STXBP5: variants seen among roughly 807,000 people sequenced by gnomAD.
STXBP5 encodes the protein syntaxin binding protein 5.
Under a neutral mutation model 152.4 loss-of-function variants are expected in STXBP5, and 50 were observed. The ratio of observed to expected loss-of-function variants is 0.33; its 90% CI spans 0.26 to 0.42. The LOEUF (loss-of-function observed/expected upper bound fraction) is 0.42. STXBP5 is among the 10% of genes least tolerant of loss of function. The pLI is 1.00. For synonymous variants in STXBP5, 492 were observed against 494.7 expected (o/e 0.99, Z 0.07); for missense variants, 1,167 against 1,388.6 (o/e 0.84, Z 2.54).
intron 22 of STXBP5, among the ~76,000 whole-genome samples, chr6:147,353,655 T>C (rs996599857): frequency 6.6e-6 from 1 of 152,160 alleles, no homozygotes; most frequent in African/African-American, 2.4e-5. Flanking sequence ...TGTGCAATTT[T>C]AGATTAATTT....
chr6:147,253,088 A>G (rs1370219812), intron 4 of STXBP5, among the ~76,000 whole-genome samples: 2 of 152,250 alleles, frequency 1.3e-5, no homozygotes, highest in Non-Finnish European at 2.9e-5. Flanking sequence ...CGAATCCAGC[A>G]GCACATCAAA....
chr6:147,343,844 TG>T (rs1418306814), intron 21 of STXBP5, among the ~76,000 whole-genome samples: 1 of 152,208 alleles, frequency 6.6e-6, no homozygotes, highest in African/African-American at 2.4e-5. Flanking sequence ...GTATTCAACC[TG>T]AAACGTGGCT....
chr6:147,337,019 C>T (rs1783857015), intron 19 of STXBP5, among the ~76,000 whole-genome samples: 1 of 151,896 alleles, frequency 6.6e-6, no homozygotes, highest in Non-Finnish European at 1.5e-5. Context: ...CAGTGGTCCC[C>T]CAATAGAGAA....
At chr6:147,281,566 A>G (rs1241943749) in intron 8 of STXBP5, among the ~76,000 whole-genome samples, 1 of 152,166 alleles carries the variant, frequency 6.6e-6, no homozygotes, top group Admixed American at 6.5e-5. Flanking sequence ...GTTATGGTAA[A>G]TTAGTTTAAA....
intron 4 of STXBP5, among the ~76,000 whole-genome samples, chr6:147,244,987 C>CTTTTTT (rs57889304): frequency 2.3e-5 from 2 of 86,200 alleles, no homozygotes; most frequent in African/African-American, 1.1e-4. Context: ...TGCTGAGCTG[C>CTTTTTT]TTTTTTTTTT....
At position 147,308,321 on chromosome 6, in the gene STXBP5, A is replaced by G. The variant is rs186012911; in HGVS notation, c.918-1763A>G. 3.9e-4 allele frequency among the ~76,000 whole-genome samples: 60 copies of G among 152,332 alleles called. No homozygotes were observed. In the East Asian group the frequency reaches 0.01, roughly 26 times the overall value. On this transcript the variant is annotated intron_variant, in intron 9 of 27. Transcript: ENST00000321680. ...AGGTTGAAACACTGAATGTATGGAT[A>G]TGGTTCTATTTAGGATAACATTTTA...
At chr6:147,239,327 A>T in intron 4 of STXBP5, 57 bp downstream of exon 4, 2 of 1,494,718 alleles carry the variant, frequency 1.3e-6, no homozygotes, top group Non-Finnish European at 1.8e-6. Context: ...ATTTTCTTGA[A>T]TTTCAGTCTT....
At chr6:147,351,900 G>T in intron 21 of STXBP5, 1 of 985,250 alleles carries the variant, frequency 1.0e-6, no homozygotes, top group East Asian at 1.1e-4. Flanking sequence ...AGCAGGGTCT[G>T]TGCTTTAAAT....
At chr6:147,277,730 GGGACACT>G (rs1252214711) in intron 7 of STXBP5, among the ~76,000 whole-genome samples, 1 of 151,954 alleles carries the variant, frequency 6.6e-6, no homozygotes, top group Non-Finnish European at 1.5e-5. Context: ...TTTTTCTATT[GGGACACT>G]GGTTGTAATA....
At chr6:147,304,701 G>A (rs780613756) in intron 9 of STXBP5, among the ~76,000 whole-genome samples, 4 of 152,134 alleles carry the variant, frequency 2.6e-5, no homozygotes, top group Non-Finnish European at 4.4e-5. Context: ...AAAGCCACAG[G>A]GGCAGAGCTG....
At position 147,239,211 on chromosome 6, in the gene STXBP5, A is replaced by G. The variant is rs1203059840; in HGVS notation, c.372A>G (p.Leu124=). 2.5e-6 allele frequency: 4 copies of G among 1,613,752 alleles called. No homozygotes were observed. The highest frequency in any genetic ancestry group is 3.4e-6 in the Non-Finnish European group (4 of 1,179,816). Residue 124 remains leucine, a synonymous_variant, in exon 4 of 28, where the codon TTA becomes TTG. Transcript: ENST00000321680. ...CCTTGGCTGATGACACCTTACACTTATGGAATTTACGTCAGAAGAGGCCTG... is the reference window on the plus strand; with the variant it reads ...CCTTGGCTGATGACACCTTACACTTGTGGAATTTACGTCAGAAGAGGCCTG... ...VSALADDTLH[L]WNLRQKRPAI...
At chr6:147,325,400 T>C (rs1783196318) in intron 17 of STXBP5, among the ~76,000 whole-genome samples, 1 of 152,192 alleles carries the variant, frequency 6.6e-6, no homozygotes, top group African/African-American at 2.4e-5. Context: ...TAATAATTAC[T>C]ATAATGGAAA....
chr6:147,232,430 C>T (rs181170117), intron 2 of STXBP5, among the ~76,000 whole-genome samples: 12 of 151,892 alleles, frequency 7.9e-5, no homozygotes, highest in Non-Finnish European at 1.8e-4. Flanking sequence ...TATATGTAGG[C>T]ATTATCAATT....
At position 147,217,395 on chromosome 6, in the gene STXBP5, T is replaced by C. The variant is rs545991739; in HGVS notation, c.248+11327T>C. ...GCTGTTTTTACTTATATGTGAGAAT[T>C]TACATTCTTTCTTGTTCATTTAACC... On this transcript the variant is annotated intron_variant, in intron 2 of 27. Transcript: ENST00000321680. 2.6e-3 allele frequency among the ~76,000 whole-genome samples: 400 copies of C among 152,314 alleles called. 4 individuals carry two copies. The highest frequency in any genetic ancestry group is 3.9e-3 in the Non-Finnish European group (265 of 68,028).
At chr6:147,209,633 A>C (rs1418689623) in intron 2 of STXBP5, among the ~76,000 whole-genome samples, 3 of 152,202 alleles carry the variant, frequency 2.0e-5, no homozygotes, top group East Asian at 1.9e-4. Context: ...TCCTTCCTTC[A>C]AAAAGTTTCC....
intron 23 of STXBP5, among the ~76,000 whole-genome samples, chr6:147,361,704 G>A (rs1207467100): frequency 6.6e-6 from 1 of 152,206 alleles, no homozygotes; most frequent in Middle Eastern, 3.4e-3. Context: ...TTTTAGGCCA[G>A]TTTTTTAAAA....
At position 147,384,716 on chromosome 6, in the gene STXBP5, T is replaced by A; in HGVS notation, c.3417T>A (p.Ile1139=). 1 of 1,611,866 alleles carries A rather than the reference T, an allele frequency of 6.2e-7. No individual in the cohort carries two copies. Among genetic ancestry groups the A allele is most frequent in the Non-Finnish European group, 8.5e-7 (1 of 1,178,760 alleles). ...TTTTCTTTTTTTTCCCCCTTTAGATTATGTTGAAATACAAAGATAAGAAGT... is the reference window on the plus strand; with the variant it reads ...TTTTCTTTTTTTTCCCCCTTTAGATAATGTTGAAATACAAAGATAAGAAGT... The part of the protein sequence containing the change: ...AESFSKHAHE[I]MLKYKDKKWY... Residue 1139 remains isoleucine, a splice_region_variant and synonymous_variant, in exon 28 of 28, where the codon ATT becomes ATA. Coordinates refer to ENST00000321680, the MANE Select transcript of STXBP5 (RefSeq NM_001127715.4).
intron 18 of STXBP5, chr6:147,328,666 T>TAA (rs1252961500): frequency 2.1e-6 from 1 of 468,040 alleles, no homozygotes; most frequent in Admixed American, 2.4e-5. Flanking sequence ...TTTGTCTCCT[T>TAA]TTATTTCTTC....
intron 3 of STXBP5, among the ~76,000 whole-genome samples, chr6:147,238,247 A>C (rs1387045713): frequency 6.6e-6 from 1 of 152,160 alleles, no homozygotes; most frequent in Non-Finnish European, 1.5e-5. Context: ...GCTGCCTCAT[A>C]ACATGGTAGA....
Sources: allele counts gnomAD v4.1 joint callset (sites outside exome capture counted in the v4.1 genomes callset), GRCh38; gene constraint gnomAD v4.1.1; transcripts MANE v1.5; gene names NCBI Gene and HGNC (gene_info 2026-07-23, HGNC 2026-07-21).